Variants in PDE1C observed in about 807,000 individuals in gnomAD.
PDE1C encodes the protein phosphodiesterase 1C.
In PDE1C, 62 loss-of-function variants were observed where a neutral mutation model predicts 93.1. The ratio of observed to expected loss-of-function variants is 0.67; its 90% confidence interval spans 0.54 to 0.82. PDE1C has a LOEUF of 0.82. Among genes scored for constraint, PDE1C ranks in the 40% least tolerant of loss-of-function variants. The pLI, the probability that PDE1C is intolerant of heterozygous loss-of-function variation, is 0.00. For missense variants in PDE1C, 742 were observed against 884.6 expected (o/e 0.84, Z 2.04); for synonymous variants, 325 against 310.1 (o/e 1.05, Z -0.50).
chr7:31,808,195 T>G (rs893029296), intron 16 of PDE1C: 39 of 492,264 alleles, frequency 7.9e-5, no homozygotes, highest in Non-Finnish European at 1.4e-4. Context: ...TCTAACCAAA[T>G]GATTCAAAGA....
At chr7:32,372,747 C>A (rs113779995) in intron 1 of PDE1C, among the ~76,000 whole-genome samples, 51 of 152,140 alleles carry the variant, frequency 3.4e-4, no homozygotes, top group African/African-American at 1.2e-3. Flanking sequence ...ATACAAGGAA[C>A]CCTAACAACT....
rs557599105 is a variant in PDE1C, at chr7:32,061,152, T to C, written c.101+9141A>G. Among the ~76,000 whole-genome samples, 12 of 152,356 alleles carry C rather than the reference T, an allele frequency of 7.9e-5. No homozygotes were observed. In the South Asian group the frequency reaches 2.5e-3, roughly 32 times the overall value. ...ATCTGGATAAACAACAGTTTAATGG[T>C]CTTTGGATATCCAATTGTGACTTTC... On this transcript the variant is annotated intron_variant, in intron 1 of 17. Transcript: ENST00000396191.
At chr7:32,252,922 G>A (rs992968505) in intron 1 of PDE1C, among the ~76,000 whole-genome samples, 4 of 152,114 alleles carry the variant, frequency 2.6e-5, no homozygotes, top group Non-Finnish European at 2.9e-5. Flanking sequence ...CCTTCTCATG[G>A]CCTAACCATA....
At chr7:31,647,838 A>C in the PDE1C span, among the ~76,000 whole-genome samples, 2 of 152,174 alleles carry the variant, frequency 1.3e-5, no homozygotes, top group African/African-American at 4.8e-5. Flanking sequence ...GCAATATATA[A>C]CACTGCAGAT....
chr7:32,096,206 T>G (rs573547291), intron 3 of PDE1C, among the ~76,000 whole-genome samples: 64 of 152,304 alleles, frequency 4.2e-4, no homozygotes, highest in African/African-American at 1.5e-3. Flanking sequence ...AGCATTGATG[T>G]GCTCCCAGTA....
chr7:32,413,493 A>G (rs1342580425), intron 1 of PDE1C, among the ~76,000 whole-genome samples: 2 of 152,212 alleles, frequency 1.3e-5, no homozygotes, highest in African/African-American at 4.8e-5. Context: ...ATACAATATG[A>G]TTCCTCTTAC....
chr7:32,124,093 C>T (rs1316620011), intron 3 of PDE1C, among the ~76,000 whole-genome samples: 1 of 152,146 alleles, frequency 6.6e-6, no homozygotes, highest in African/African-American at 2.4e-5. Flanking sequence ...CATGAATGAA[C>T]TCCTATTCAT....
At chr7:31,960,591 AAGAGTAAG>A (rs1201660765) in intron 2 of PDE1C, among the ~76,000 whole-genome samples, 3 of 152,210 alleles carry the variant, frequency 2.0e-5, no homozygotes, top group African/African-American at 7.2e-5. Context: ...TGAAATATTT[AAGAGTAAG>A]AGAGTACTGC....
chr7:31,970,265 C>G (rs1031802102), intron 2 of PDE1C, among the ~76,000 whole-genome samples: 1 of 152,100 alleles, frequency 6.6e-6, no homozygotes, highest in Admixed American at 6.5e-5. Context: ...AGATAAGAAG[C>G]CAATATAAAC....
intron 1 of PDE1C, among the ~76,000 whole-genome samples, chr7:32,387,117 C>T (rs891328489): frequency 1.3e-5 from 2 of 151,242 alleles, no homozygotes; most frequent in African/African-American, 4.9e-5. Flanking sequence ...TTTAACAAAG[C>T]ACATCTTGCA....
the PDE1C span, among the ~76,000 whole-genome samples, chr7:31,688,694 T>C: frequency 1.3e-5 from 2 of 152,242 alleles, no homozygotes; most frequent in Non-Finnish European, 2.9e-5. Flanking sequence ...AGAAAGGTTT[T>C]GTCCCTTGTG....
intron 3 of PDE1C, among the ~76,000 whole-genome samples, chr7:32,140,265 C>T (rs2128779810): frequency 6.6e-6 from 1 of 152,274 alleles, no homozygotes; most frequent in Non-Finnish European, 1.5e-5. Context: ...ACAGTGGTCA[C>T]CTGACTAAGA....
chr7:32,417,392 T>C (rs994282679), intron 1 of PDE1C, among the ~76,000 whole-genome samples: 1 of 152,122 alleles, frequency 6.6e-6, no homozygotes, highest in African/African-American at 2.4e-5. Flanking sequence ...TAAAAACACC[T>C]GTTGAGCACT....
intron 9 of PDE1C, among the ~76,000 whole-genome samples, chr7:31,838,412 T>G (rs73092427): frequency 0.015 from 2,278 of 152,316 alleles, 28 homozygotes; most frequent in Admixed American, 0.023. Flanking sequence ...AAAATTGAGC[T>G]TATAGTATAG....
chr7:32,318,836 C>A (rs1457948165), intron 1 of PDE1C, among the ~76,000 whole-genome samples: 1 of 152,192 alleles, frequency 6.6e-6, no homozygotes, highest in Admixed American at 6.5e-5. Flanking sequence ...AAGGGCGACA[C>A]GGCTCACTTC....
At chr7:32,063,021 C>T (rs957717541) in intron 1 of PDE1C, among the ~76,000 whole-genome samples, 3 of 152,152 alleles carry the variant, frequency 2.0e-5, no homozygotes, top group Admixed American at 1.3e-4. Flanking sequence ...TGTTTAATAA[C>T]AGCTGTCAAG....
At chr7:31,647,354 T>C in the PDE1C span, among the ~76,000 whole-genome samples, 5 of 152,028 alleles carry the variant, frequency 3.3e-5, no homozygotes, top group African/African-American at 1.2e-4. Context: ...TAAGCAGAGA[T>C]GGACATCTCT....
chr7:32,165,417 A>G (rs949498580), intron 3 of PDE1C, among the ~76,000 whole-genome samples: 8 of 152,344 alleles, frequency 5.3e-5, no homozygotes, highest in African/African-American at 1.7e-4. Flanking sequence ...ACTGCTATAA[A>G]GAAATACCTG....
At chr7:31,844,763 C>G (rs1393652841) in intron 9 of PDE1C, among the ~76,000 whole-genome samples, 1 of 151,940 alleles carries the variant, frequency 6.6e-6, no homozygotes, top group Non-Finnish European at 1.5e-5. Flanking sequence ...CCTTCTGAGA[C>G]TCAAATTGCC....
Sources: gnomAD v4.1 joint callset for allele counts (sites outside exome capture counted in the v4.1 genomes callset) on GRCh38, gnomAD v4.1.1 for gene constraint, MANE v1.5 for transcripts, NCBI Gene and HGNC (gene_info 2026-07-23, HGNC 2026-07-21) for gene names.